The following MYRIP variants were observed in gnomAD, a reference collection of about 807,000 sequenced individuals.
MYRIP encodes rab effector MyRIP.
In MYRIP, 49 loss-of-function variants were observed where a neutral mutation model predicts 98.0. The observed-to-expected ratio is 0.50, with a 90% CI of 0.40 to 0.63. The LOEUF (loss-of-function observed/expected upper bound fraction) is 0.63, where lower values mean the gene tolerates loss of function less well. MYRIP is among the 30% of genes least tolerant of loss of function. The pLI is 0.00. For synonymous variants in MYRIP, 404 were observed against 409.5 expected (o/e 0.99, Z 0.16); for missense variants, 1,004 against 1,058.2 (o/e 0.95, Z 0.71).
chr3:39,848,283 A>G (rs1257744547), intron 1 of MYRIP, among the ~76,000 whole-genome samples: 2 of 152,218 alleles, frequency 1.3e-5, no homozygotes, highest in African/African-American at 4.8e-5. Context: ...ATGTCATTGA[A>G]TGATTGTACT....
intron 2 of MYRIP, among the ~76,000 whole-genome samples, chr3:39,920,539 A>C (rs1373194991): frequency 6.6e-6 from 1 of 152,116 alleles, no homozygotes; most frequent in Admixed American, 6.5e-5. Flanking sequence ...AGGTTTTTTC[A>C]TACATTTTCT....
At chr3:40,219,848 C>T (rs1442840898) in intron 11 of MYRIP, among the ~76,000 whole-genome samples, 1 of 150,612 alleles carries the variant, frequency 6.6e-6, no homozygotes, top group Admixed American at 6.6e-5. Context: ...GGGTATATAC[C>T]CAGTAATGGG....
intron 2 of MYRIP, among the ~76,000 whole-genome samples, chr3:40,003,747 A>C (rs1946572938): frequency 6.6e-6 from 1 of 152,226 alleles, no homozygotes; most frequent in Non-Finnish European, 1.5e-5. Context: ...ACATTCATTT[A>C]GTATTGGGAT....
intron 11 of MYRIP, among the ~76,000 whole-genome samples, chr3:40,210,316 C>T (rs1951891822): frequency 6.6e-6 from 1 of 152,206 alleles, no homozygotes; most frequent in African/African-American, 2.4e-5. Context: ...CTCTTACCTT[C>T]CACTATCTTT....
At chr3:39,891,376 CTG>C (rs1943483021) in intron 1 of MYRIP, among the ~76,000 whole-genome samples, 1 of 151,984 alleles carries the variant, frequency 6.6e-6, no homozygotes, top group Non-Finnish European at 1.5e-5. Flanking sequence ...AGCATCCCCT[CTG>C]TATTGGTGAA....
chr3:39,895,900 T>C (rs1252394366), intron 1 of MYRIP, among the ~76,000 whole-genome samples: 1 of 137,162 alleles, frequency 7.3e-6, no homozygotes, highest in Non-Finnish European at 1.5e-5. Context: ...TGAGAAAAAC[T>C]CGTGTGTGTG....
chr3:39,889,606 C>A (rs948746939), intron 1 of MYRIP, among the ~76,000 whole-genome samples: 7 of 152,066 alleles, frequency 4.6e-5, no homozygotes, highest in Non-Finnish European at 8.8e-5. Context: ...GTGCAGTGCA[C>A]CAGCATGGCA....
In MYRIP at chr3:40,190,199, G is replaced by A; in HGVS notation, c.1401G>A (p.Gly467=). ...CCGCAGGCTCTTCCCGAGAAGTTGG[G>A]CACCAGGCCAGACTGTCCTGGTTGC... The part of the protein sequence containing the change: ...TSSAGSSREV[G]HQARLSWLQR... The change falls in exon 10 of 17, where the codon GGG becomes GGA. Residue 467 remains glycine, a synonymous_variant. Coordinates refer to ENST00000302541, the MANE Select transcript of MYRIP (RefSeq NM_015460.4). 4 of 1,614,170 alleles carry A rather than the reference G, an allele frequency of 2.5e-6. No individual in the cohort carries two copies. The highest frequency in any genetic ancestry group is 2.2e-5 in the South Asian group (2 of 91,082).
intron 2 of MYRIP, among the ~76,000 whole-genome samples, chr3:40,039,077 G>A (rs1310981180): frequency 2.0e-5 from 3 of 152,088 alleles, no homozygotes; most frequent in African/African-American, 7.2e-5. Flanking sequence ...TGTTCGGCCT[G>A]GAGCTGGGTT....
At chr3:40,018,872 AC>A (rs1946927717) in intron 2 of MYRIP, among the ~76,000 whole-genome samples, 1 of 152,086 alleles carries the variant, frequency 6.6e-6, no homozygotes, top group African/African-American at 2.4e-5. Context: ...AATACACCTC[AC>A]CTATCTAACA....
At chr3:39,841,908 T>G (rs1275873347) in intron 1 of MYRIP, among the ~76,000 whole-genome samples, 2 of 152,016 alleles carry the variant, frequency 1.3e-5, no homozygotes, top group Non-Finnish European at 2.9e-5. Context: ...TGCTGGGAGG[T>G]GTCTCCCAGT....
intron 16 of MYRIP, among the ~76,000 whole-genome samples, chr3:40,254,216 T>C (rs1327875556): frequency 6.6e-6 from 1 of 152,194 alleles, no homozygotes; most frequent in African/African-American, 2.4e-5. Context: ...GACAGGTCTA[T>C]GCCTTTCTCC....
chr3:39,920,988 G>T (rs139046234), intron 2 of MYRIP, among the ~76,000 whole-genome samples: 25 of 152,244 alleles, frequency 1.6e-4, no homozygotes, highest in African/African-American at 6.0e-4. Flanking sequence ...AGATGATTCT[G>T]GTCCACTGTT....
intron 2 of MYRIP, among the ~76,000 whole-genome samples, chr3:40,026,167 T>C (rs192105295): frequency 9.5e-4 from 144 of 152,216 alleles, no homozygotes; most frequent in African/African-American, 2.1e-3. Context: ...ATTCTTTTCC[T>C]AGGGTCTTAA....
At chr3:40,084,776 A>ATC (rs66612949) in intron 3 of MYRIP, among the ~76,000 whole-genome samples, 4,319 of 18,362 alleles carry the variant, frequency 0.24, 768 homozygotes, top group Middle Eastern at 1. Context: ...TAGATAATAT[A>ATC]TATGTGTTAC....
intron 16 of MYRIP, among the ~76,000 whole-genome samples, chr3:40,256,959 C>T (rs1343420622): frequency 1.3e-5 from 2 of 152,110 alleles, no homozygotes; most frequent in East Asian, 3.9e-4. Flanking sequence ...AATCGTTACA[C>T]CAGTTGTACT....
intron 3 of MYRIP, among the ~76,000 whole-genome samples, chr3:40,080,291 T>C (rs528735411): frequency 1.3e-5 from 2 of 152,264 alleles, no homozygotes; most frequent in African/African-American, 2.4e-5. Context: ...CTTGGTTGTG[T>C]ATTGTGTTTT....
Position 39,883,204 on chromosome 3 carries a change from T to G in MYRIP, c.-30-17583T>G, listed in dbSNP as rs543615780. Among the ~76,000 whole-genome samples, 5 of 152,146 alleles carry G rather than the reference T, an allele frequency of 3.3e-5. No homozygotes were observed. The South Asian group carries it at 1.0e-3, about 32-fold the overall frequency. ...AGAGATCCTATTGACAAACCCTCAC[T>G]TTGGGTTGAAATCTCAAAAAGTCTT... On this transcript the variant is annotated intron_variant, in intron 1 of 16. Coordinates refer to ENST00000302541, the MANE Select transcript of MYRIP (RefSeq NM_015460.4).
chr3:40,245,304 C>T (rs1044766714), intron 13 of MYRIP, among the ~76,000 whole-genome samples: 1 of 152,166 alleles, frequency 6.6e-6, no homozygotes, highest in Non-Finnish European at 1.5e-5. Flanking sequence ...GATTTTCAAA[C>T]TAGGGTCTAC....
Sources: gnomAD v4.1 joint callset for allele counts (sites outside exome capture counted in the v4.1 genomes callset) on GRCh38, gnomAD v4.1.1 for gene constraint, MANE v1.5 for transcripts, NCBI Gene and HGNC (gene_info 2026-07-23, HGNC 2026-07-21) for gene names.